Variants in ZC3H12B observed in about 807,000 individuals in gnomAD.
ZC3H12B encodes zinc finger CCCH-type containing 12B, also known as probable ribonuclease ZC3H12B.
In ZC3H12B, 7 loss-of-function variants were observed where a neutral mutation model predicts 43.9. That is an observed-to-expected ratio of 0.16 (90% CI 0.09 to 0.30). ZC3H12B has a LOEUF of 0.30. Ranked by LOEUF, ZC3H12B falls within the 10% of genes least tolerant of loss-of-function variation. The probability of loss-of-function intolerance (pLI) is 1.00; values close to 1 mark genes in which losing one functional copy is unlikely to be tolerated. For synonymous variants in ZC3H12B, 222 were observed against 241.7 expected, an observed-to-expected ratio of 0.92 and a Z score of 0.76; for missense variants, 475 against 670.2, an observed-to-expected ratio of 0.71 and a Z score of 3.22.
chrX:65,312,728 T>C, the ZC3H12B span, among the ~76,000 whole-genome samples: 8 of 111,816 alleles, frequency 7.2e-5, no homozygotes, highest in Non-Finnish European at 1.5e-4. Flanking sequence ...TTTAAAATGA[T>C]GTCTTCATTC....
chrX:65,155,213 C>A, the ZC3H12B span, among the ~76,000 whole-genome samples: 9,109 of 110,281 alleles, frequency 0.083, 1,021 homozygotes, highest in African/African-American at 0.29. Flanking sequence ...CCACCTTGGC[C>A]TCCCAAAATG....
chrX:65,112,751 T>C, the ZC3H12B span, among the ~76,000 whole-genome samples: 13 of 111,942 alleles, frequency 1.2e-4, no homozygotes, highest in East Asian at 3.1e-3. Flanking sequence ...TTACTGCTTA[T>C]TGACAATGCA....
the ZC3H12B span, among the ~76,000 whole-genome samples, chrX:65,071,656 A>T: frequency 8.9e-6 from 1 of 111,954 alleles, no homozygotes; most frequent in Non-Finnish European, 1.9e-5. Flanking sequence ...GTGGTAACGA[A>T]TTCCCTAAGC....
At position 65,481,153 on chromosome X, in the gene ZC3H12B, C is replaced by A. The variant is rs183195222; in HGVS notation, n.408-7493C>A. On this transcript the variant is annotated intron_variant and non_coding_transcript_variant, in intron 3 of 5. Coordinates refer to the ZC3H12B transcript ENST00000617377. ...CTCCATGCCCTTTCATATGCGATACCATCTGCCTAGTATGTCCTCCCCATT... is the reference window on the plus strand; with the variant it reads ...CTCCATGCCCTTTCATATGCGATACAATCTGCCTAGTATGTCCTCCCCATT... 1.3e-3 allele frequency among the ~76,000 whole-genome samples: 139 copies of A among 111,096 alleles called. 1 individual carries two copies. The highest frequency in any genetic ancestry group is 4.6e-3 in the Middle Eastern group (1 of 218).
intron 2 of ZC3H12B, among the ~76,000 whole-genome samples, chrX:65,395,330 A>G (rs776574405): frequency 4.5e-5 from 5 of 111,937 alleles, no homozygotes; most frequent in Non-Finnish European, 5.6e-5. Context: ...TCAGTGTGAT[A>G]TGGGCTGTGG....
the ZC3H12B span, among the ~76,000 whole-genome samples, chrX:65,266,315 A>G: frequency 9.0e-6 from 1 of 111,540 alleles, no homozygotes; most frequent in Non-Finnish European, 1.9e-5. Flanking sequence ...AGATCCCCAA[A>G]GAATCAAGTC....
chrX:65,077,247 C>T, the ZC3H12B span, among the ~76,000 whole-genome samples: 2 of 111,765 alleles, frequency 1.8e-5, no homozygotes, highest in Non-Finnish European at 3.8e-5. Flanking sequence ...TGTCATTGAG[C>T]CACCTTATCC....
the ZC3H12B span, among the ~76,000 whole-genome samples, chrX:65,279,717 A>C: frequency 2.7e-5 from 3 of 112,459 alleles, no homozygotes; most frequent in South Asian, 3.6e-4. Flanking sequence ...AAAAATAGAC[A>C]TGTGGAATCT....
chrX:65,156,832 G>C, the ZC3H12B span, among the ~76,000 whole-genome samples: 2 of 111,578 alleles, frequency 1.8e-5, no homozygotes, highest in Admixed American at 9.6e-5. Context: ...TGTTGTCGTT[G>C]TTGTTTTGCT....
intron 3 of ZC3H12B, chrX:65,499,450 T>A (rs2068335649): frequency 2.6e-6 from 1 of 378,401 alleles, no homozygotes; most frequent in Non-Finnish European, 4.5e-6. Flanking sequence ...GAGCTACAGT[T>A]AAAATTTGTT....
chrX:65,329,777 G>A, the ZC3H12B span, among the ~76,000 whole-genome samples: 522 of 111,583 alleles, frequency 4.7e-3, 1 homozygote, highest in Non-Finnish European at 8.4e-3. Context: ...TGGCTAGCCA[G>A]TTTTCCCAGC....
At chrX:65,125,536 T>G in the ZC3H12B span, among the ~76,000 whole-genome samples, 1 of 111,526 alleles carries the variant, frequency 9.0e-6, no homozygotes, top group Non-Finnish European at 1.9e-5. Context: ...TTTGTTAACT[T>G]TCTTTCTTGA....
the ZC3H12B span, among the ~76,000 whole-genome samples, chrX:65,159,700 A>G: frequency 2.7e-5 from 3 of 111,943 alleles, no homozygotes; most frequent in East Asian, 5.6e-4. Context: ...CAATCATGTC[A>G]TCTGCAAAAA....
chrX:65,174,921 A>AAAAAAAC, the ZC3H12B span, among the ~76,000 whole-genome samples: 1 of 108,271 alleles, frequency 9.2e-6, no homozygotes, highest in African/African-American at 3.3e-5. Flanking sequence ...AATGGAGGAA[A>AAAAAAAC]AAAAAACAAA....
chrX:65,339,438 A>G, the ZC3H12B span, among the ~76,000 whole-genome samples: 3 of 112,057 alleles, frequency 2.7e-5, no homozygotes, highest in Non-Finnish European at 5.6e-5. Context: ...CATCACAGAC[A>G]TTTGAGTTGG....
chrX:65,349,402 A>G, the ZC3H12B span, among the ~76,000 whole-genome samples: 1 of 112,217 alleles, frequency 8.9e-6, no homozygotes, highest in Non-Finnish European at 1.9e-5. Context: ...AATGCCCACA[A>G]GAGAAAGCAG....
chrX:65,363,998 C>T (rs1016449901), upstream of ZC3H12B, among the ~76,000 whole-genome samples: 3 of 111,046 alleles, frequency 2.7e-5, no homozygotes, highest in African/African-American at 9.8e-5. Flanking sequence ...ACACCTGACC[C>T]CCATGACTGT....
chrX:65,119,028 T>C, the ZC3H12B span, among the ~76,000 whole-genome samples: 3 of 111,196 alleles, frequency 2.7e-5, no homozygotes, highest in Non-Finnish European at 3.8e-5. Context: ...ATGTGCCACA[T>C]TTTCTTAATC....
At chrX:65,351,131 C>A in the ZC3H12B span, among the ~76,000 whole-genome samples, 4 of 111,537 alleles carry the variant, frequency 3.6e-5, no homozygotes, top group Admixed American at 3.8e-4. Context: ...GATATATAGA[C>A]AAATGGAACA....
Sources: gnomAD v4.1 joint callset for allele counts (sites outside exome capture counted in the v4.1 genomes callset) on GRCh38, gnomAD v4.1.1 for gene constraint, MANE v1.5 for transcripts, NCBI Gene and HGNC (gene_info 2026-07-23, HGNC 2026-07-21) for gene names.